The following DYNC1I1 variants were observed in gnomAD, a reference collection of about 807,000 sequenced individuals.
DYNC1I1 encodes cytoplasmic dynein 1 intermediate chain 1.
In DYNC1I1, 43 loss-of-function variants were observed where a neutral mutation model predicts 86.6. The observed-to-expected ratio is 0.50, with a 90% CI of 0.39 to 0.64. The LOEUF (loss-of-function observed/expected upper bound fraction) is 0.64, where lower values mean the gene tolerates loss of function less well. Among genes scored for constraint, DYNC1I1 ranks in the 30% least tolerant of loss-of-function variants. DYNC1I1 has a pLI of 0.00. For missense variants in DYNC1I1, 604 were observed against 788.8 expected, an observed-to-expected ratio of 0.77 and a Z score of 2.81; for synonymous variants, 262 against 283.7, an observed-to-expected ratio of 0.92 and a Z score of 0.77.
At chr7:96,089,239 C>CT (rs11383533) in intron 16 of DYNC1I1, among the ~76,000 whole-genome samples, 132,958 of 151,584 alleles carry the variant, frequency 0.88, 58,472 homozygotes, top group East Asian at 0.98. Flanking sequence ...TCCTCAGCTT[C>CT]TTTTTTAACC....
At chr7:95,792,076 C>T (rs887631805) in intron 1 of DYNC1I1, among the ~76,000 whole-genome samples, 4 of 152,198 alleles carry the variant, frequency 2.6e-5, no homozygotes, top group African/African-American at 9.7e-5. Flanking sequence ...ATTCAAGAGA[C>T]ATTTATTGAG....
chr7:95,827,279 C>T (rs920900478), intron 4 of DYNC1I1, among the ~76,000 whole-genome samples: 10 of 152,246 alleles, frequency 6.6e-5, no homozygotes, highest in East Asian at 5.8e-4. Context: ...CACCTGTAAC[C>T]GGTACTGTGC....
chr7:95,814,207 CCA>C, intron 4 of DYNC1I1, among the ~76,000 whole-genome samples: 1 of 152,248 alleles, frequency 6.6e-6, no homozygotes, highest in Non-Finnish European at 1.5e-5. Context: ...TCCGCATTTT[CCA>C]GTTTTTCTTG....
At chr7:95,778,292 G>A (rs554479549) in intron 1 of DYNC1I1, among the ~76,000 whole-genome samples, 2 of 152,324 alleles carry the variant, frequency 1.3e-5, no homozygotes, top group Admixed American at 6.5e-5. Context: ...AAACATACAG[G>A]CAAAAGCTGC....
intron 9 of DYNC1I1, among the ~76,000 whole-genome samples, chr7:95,995,114 G>A (rs924943606): frequency 6.6e-6 from 1 of 152,056 alleles, no homozygotes; most frequent in Non-Finnish European, 1.5e-5. Flanking sequence ...AGGCGTGGTG[G>A]CCGGCGCCTG....
intron 4 of DYNC1I1, among the ~76,000 whole-genome samples, chr7:95,826,512 C>T (rs1459439410): frequency 2.0e-5 from 3 of 152,136 alleles, no homozygotes; most frequent in South Asian, 2.1e-4. Context: ...CAACAAATAT[C>T]GTATTATATA....
chr7:95,826,029 A>G (rs949882055), intron 4 of DYNC1I1, among the ~76,000 whole-genome samples: 1 of 152,214 alleles, frequency 6.6e-6, no homozygotes, highest in South Asian at 2.1e-4. Flanking sequence ...AAGTCAAGTC[A>G]TTGCTGCTCA....
chr7:96,085,167 G>GC (rs1392186566), intron 16 of DYNC1I1, among the ~76,000 whole-genome samples: 2 of 152,146 alleles, frequency 1.3e-5, no homozygotes, highest in East Asian at 3.9e-4. Flanking sequence ...GCTGCAGGGA[G>GC]CCCCAGCTCA....
chr7:95,793,649 A>C (rs2115732825), intron 1 of DYNC1I1, among the ~76,000 whole-genome samples: 1 of 152,322 alleles, frequency 6.6e-6, no homozygotes, highest in South Asian at 2.1e-4. Flanking sequence ...AATGGCTAAA[A>C]ATATGCTTAT....
intron 6 of DYNC1I1, among the ~76,000 whole-genome samples, chr7:95,945,813 A>T (rs925022116): frequency 6.6e-6 from 1 of 152,216 alleles, no homozygotes; most frequent in Admixed American, 6.5e-5. Flanking sequence ...ACACATCAAC[A>T]ATATGGAATG....
rs1348816777 is a variant in DYNC1I1, at chr7:96,079,018, G to GT, written c.1651-1345_1651-1344insT. On this transcript the variant is annotated intron_variant, in intron 15 of 16. Transcript: ENST00000447467. ...AAATAAATGAGCCGGGGACTTTTGG[G>GT]GTTTTTTTTTGTTTTTTTGTTTTTT... 1.1e-4 allele frequency among the ~76,000 whole-genome samples: 16 copies of GT among 147,956 alleles called. No individual in the cohort carries two copies. In the East Asian group the frequency reaches 1.4e-3, roughly 13 times the overall value.
chr7:95,840,100 C>A (rs552321747), intron 5 of DYNC1I1, among the ~76,000 whole-genome samples: 2 of 151,934 alleles, frequency 1.3e-5, no homozygotes, highest in South Asian at 4.2e-4. Context: ...CTTTGGGCTT[C>A]CTGAATCTGG....
chr7:95,928,566 C>T (rs1454174540), intron 6 of DYNC1I1, among the ~76,000 whole-genome samples: 1 of 152,084 alleles, frequency 6.6e-6, no homozygotes, highest in Non-Finnish European at 1.5e-5. Flanking sequence ...CAGTGCCCCA[C>T]CCCACTCCCC....
At chr7:96,085,429 C>G (rs1790649786) in intron 16 of DYNC1I1, among the ~76,000 whole-genome samples, 1 of 151,844 alleles carries the variant, frequency 6.6e-6, no homozygotes, top group Non-Finnish European at 1.5e-5. Context: ...CAGCCTATGA[C>G]TCAAGAGGTA....
chr7:95,952,346 C>CAA (rs1180576983), intron 6 of DYNC1I1, among the ~76,000 whole-genome samples: 1 of 152,106 alleles, frequency 6.6e-6, no homozygotes, highest in African/African-American at 2.4e-5. Context: ...CTTATACTTT[C>CAA]CTCCCCTTTG....
At chr7:95,913,538 C>T (rs1485348707) in intron 6 of DYNC1I1, among the ~76,000 whole-genome samples, 1 of 152,194 alleles carries the variant, frequency 6.6e-6, no homozygotes, top group East Asian at 1.9e-4. Context: ...GGCAGTTCCC[C>T]TGTATGCACT....
rs1791333074 is a variant in DYNC1I1 at position 95,911,464 on chromosome 7, C to T, written c.490+41466C>T. Among the ~76,000 whole-genome samples the T allele has an allele frequency of 4.6e-5, 7 of 151,962 alleles. No homozygotes were observed. The South Asian group carries it at 1.2e-3, about 27-fold the overall frequency. ...CAGTTAAGGGTCAAAAAAGGCTGAC[C>T]AGAGGTGAGAAGAAGGAAAGCAAGG... On this transcript the variant is annotated intron_variant, in intron 6 of 16. Transcript: ENST00000447467.
intron 2 of DYNC1I1, among the ~76,000 whole-genome samples, chr7:95,807,489 A>G (rs867844347): frequency 6.6e-6 from 1 of 152,264 alleles, no homozygotes; most frequent in Middle Eastern, 3.4e-3. Flanking sequence ...CTGGACAGGC[A>G]TAGCAGGACT....
chr7:95,804,827 A>G lies in DYNC1I1; in HGVS notation c.98A>G (p.Lys33Arg), dbSNP rs1794666075. Residue 33 changes from lysine (K) to arginine (R), a missense_variant, in exon 2 of 17, where the codon AAA (lysine) becomes AGA (arginine). Lys to Arg is a conservative substitution (Grantham distance 26, BLOSUM62 2). Transcript: ENST00000447467. ...AAGAAACGGAAGGAAGAGGAGAGGAAAAAGAAAGAGGTAAATCCTGGGTGT... is the reference window on the plus strand; with the variant it reads ...AAGAAACGGAAGGAAGAGGAGAGGAGAAAGAAAGAGGTAAATCCTGGGTGT... ...EEKKRKEEERKKKEADMQQKK... is the reference protein window; with the variant it reads ...EEKKRKEEERRKKEADMQQKK... 6.4e-7 allele frequency: 1 copy of G among 1,559,240 alleles called. No homozygotes were observed. The highest frequency in any genetic ancestry group is 1.4e-5 in the African/African-American group (1 of 73,132).
Sources: allele counts gnomAD v4.1 joint callset (sites outside exome capture counted in the v4.1 genomes callset), GRCh38; gene constraint gnomAD v4.1.1; transcripts MANE v1.5; gene names NCBI Gene and HGNC (gene_info 2026-07-23, HGNC 2026-07-21).